NXPH1: variants seen among roughly 807,000 people sequenced by gnomAD.
NXPH1 encodes the protein neurexophilin 1.
A neutral mutation model predicts 23.7 loss-of-function variants in NXPH1; 5 were observed. That is an observed-to-expected ratio of 0.21 (90% confidence interval 0.11 to 0.44). NXPH1 has a LOEUF of 0.44. Among genes scored for constraint, NXPH1 ranks in the 20% least tolerant of loss-of-function variants. The pLI is 0.99. For synonymous variants in NXPH1, 144 were observed against 122.2 expected (o/e 1.18, Z -1.18); for missense variants, 324 against 321.6 (o/e 1.01, Z -0.06).
chr7:8,597,090 G>A (rs1416029011), intron 2 of NXPH1, among the ~76,000 whole-genome samples: 1 of 152,018 alleles, frequency 6.6e-6, no homozygotes, highest in African/African-American at 2.4e-5. Context: ...GCTGAGGGAA[G>A]AGTCTAGCAA....
intron 2 of NXPH1, among the ~76,000 whole-genome samples, chr7:8,701,742 A>T (rs1312291989): frequency 1.3e-5 from 2 of 152,094 alleles, no homozygotes; most frequent in Non-Finnish European, 2.9e-5. Context: ...TTACAAAGAT[A>T]GTCAGTAAAT....
chr7:8,743,689 C>T (rs1243075641), intron 2 of NXPH1, among the ~76,000 whole-genome samples: 8 of 141,672 alleles, frequency 5.6e-5, no homozygotes, highest in African/African-American at 7.9e-5. Flanking sequence ...TTTTTCTTTT[C>T]TTTTTTTTTT....
chr7:8,692,374 G>A (rs974178757), intron 2 of NXPH1, among the ~76,000 whole-genome samples: 11 of 152,134 alleles, frequency 7.2e-5, no homozygotes, highest in Non-Finnish European at 7.3e-5. Context: ...TGACAATAAG[G>A]TAGTGGTGAC....
chr7:8,750,029 G>T (rs113099113), intron 2 of NXPH1, among the ~76,000 whole-genome samples: 1 of 152,162 alleles, frequency 6.6e-6, no homozygotes, highest in Non-Finnish European at 1.5e-5. Flanking sequence ...AATCCACCCT[G>T]AAGTGACCTC....
In NXPH1 at chr7:8,643,356, A is replaced by G. The variant is rs190750712; in HGVS notation, c.55-107652A>G. On this transcript the variant is annotated intron_variant, in intron 2 of 2. Coordinates refer to ENST00000405863, the MANE Select transcript of NXPH1 (RefSeq NM_152745.3). ...GAAAATTGATTTGAGGCTATGATGAATTATTTTGTTAAGAAACTGCTGAAT... is the reference window on the plus strand; with the variant it reads ...GAAAATTGATTTGAGGCTATGATGAGTTATTTTGTTAAGAAACTGCTGAAT... 2.0e-5 allele frequency among the ~76,000 whole-genome samples: 3 copies of G among 152,298 alleles called. No individual in the cohort carries two copies. The East Asian group carries it at 5.8e-4, about 29-fold the overall frequency.
intron 2 of NXPH1, among the ~76,000 whole-genome samples, chr7:8,666,546 G>A (rs955355024): frequency 3.3e-5 from 5 of 152,100 alleles, no homozygotes; most frequent in African/African-American, 1.2e-4. Flanking sequence ...TGCTGGCCTT[G>A]TACAATAAGT....
chr7:8,713,384 A>G (rs1779825591), intron 2 of NXPH1, among the ~76,000 whole-genome samples: 2 of 152,088 alleles, frequency 1.3e-5, no homozygotes, highest in African/African-American at 4.8e-5. Context: ...CATTTCCTCC[A>G]AAAAAACTCT....
intron 2 of NXPH1, among the ~76,000 whole-genome samples, chr7:8,590,002 A>G (rs1034240394): frequency 6.6e-6 from 1 of 152,142 alleles, no homozygotes; most frequent in Non-Finnish European, 1.5e-5. Flanking sequence ...CAGGCATAGA[A>G]CATTTCCCTC....
At chr7:8,697,310 T>G (rs1356977917) in intron 2 of NXPH1, among the ~76,000 whole-genome samples, 2 of 152,164 alleles carry the variant, frequency 1.3e-5, no homozygotes, top group Admixed American at 6.5e-5. Flanking sequence ...ATGATCTGGC[T>G]TATCCTTTTA....
At chr7:8,467,371 A>G (rs1322630948) in intron 2 of NXPH1, among the ~76,000 whole-genome samples, 4 of 152,158 alleles carry the variant, frequency 2.6e-5, no homozygotes. Context: ...TATCATGCAC[A>G]TTTGCATATA....
At chr7:8,561,062 C>T (rs553438408) in intron 2 of NXPH1, among the ~76,000 whole-genome samples, 29 of 151,602 alleles carry the variant, frequency 1.9e-4, no homozygotes, top group African/African-American at 5.1e-4. Context: ...AATTCTAAGC[C>T]GAAGGGCAGC....
At chr7:8,696,387 A>C (rs1779506747) in intron 2 of NXPH1, among the ~76,000 whole-genome samples, 1 of 152,224 alleles carries the variant, frequency 6.6e-6, no homozygotes, top group African/African-American at 2.4e-5. Context: ...TGGGTCTTAC[A>C]TTCTGAGGAG....
intron 2 of NXPH1, among the ~76,000 whole-genome samples, chr7:8,668,437 G>A (rs1335921014): frequency 6.6e-6 from 1 of 152,170 alleles, no homozygotes. Flanking sequence ...CTTGCTACTG[G>A]AGTTCTCATG....
intron 2 of NXPH1, among the ~76,000 whole-genome samples, chr7:8,655,432 C>CTCTCTT (rs1252971949): frequency 3.7e-5 from 2 of 53,798 alleles, no homozygotes; most frequent in Non-Finnish European, 7.8e-5. Flanking sequence ...CTCTCTCTCT[C>CTCTCTT]TCTCTCTCTC....
At chr7:8,660,407 G>GA (rs1820653589) in intron 2 of NXPH1, among the ~76,000 whole-genome samples, 1 of 152,090 alleles carries the variant, frequency 6.6e-6, no homozygotes, top group Non-Finnish European at 1.5e-5. Flanking sequence ...TGAAAGTTTT[G>GA]AAAAGAGACA....
intron 2 of NXPH1, among the ~76,000 whole-genome samples, chr7:8,684,279 ATG>A (rs1223916285): frequency 6.6e-6 from 1 of 152,108 alleles, no homozygotes; most frequent in East Asian, 1.9e-4. Flanking sequence ...ACCACATAGT[ATG>A]TGTGTGTTTC....
chr7:8,519,405 T>C (rs1278553740), intron 2 of NXPH1, among the ~76,000 whole-genome samples: 1 of 152,210 alleles, frequency 6.6e-6, no homozygotes, highest in Non-Finnish European at 1.5e-5. Context: ...GCCATGTTGT[T>C]TGATTTAGTA....
chr7:8,553,471 A>T (rs1818309428), intron 2 of NXPH1, among the ~76,000 whole-genome samples: 1 of 151,454 alleles, frequency 6.6e-6, no homozygotes, highest in Non-Finnish European at 1.5e-5. Context: ...TGGATTAAAT[A>T]TTACTTGACA....
At chr7:8,691,368 C>G (rs1427757425) in intron 2 of NXPH1, among the ~76,000 whole-genome samples, 1 of 152,066 alleles carries the variant, frequency 6.6e-6, no homozygotes, top group Non-Finnish European at 1.5e-5. Flanking sequence ...AGGCTGCTCT[C>G]CCATTCCCGA....
Sources: allele counts gnomAD v4.1 joint callset (sites outside exome capture counted in the v4.1 genomes callset), GRCh38; gene constraint gnomAD v4.1.1; transcripts MANE v1.5; gene names NCBI Gene and HGNC (gene_info 2026-07-23, HGNC 2026-07-21).